Variants in DTL observed in about 807,000 individuals in gnomAD.
DTL encodes the protein denticleless protein homolog.
Under a neutral mutation model 87.0 loss-of-function variants are expected in DTL, and 46 were observed. That is an observed-to-expected ratio of 0.53 (90% CI 0.42 to 0.68). DTL has a LOEUF of 0.68. Among genes scored for constraint, DTL ranks in the 30% least tolerant of loss-of-function variants. DTL has a pLI of 0.00. For missense variants in DTL, 737 were observed against 869.4 expected, an observed-to-expected ratio of 0.85 and a Z score of 1.91; for synonymous variants, 308 against 311.2, an observed-to-expected ratio of 0.99 and a Z score of 0.11.
chr1:212,040,416 A>G (rs954627797), intron 1 of DTL, among the ~76,000 whole-genome samples: 2 of 152,244 alleles, frequency 1.3e-5, no homozygotes, highest in Non-Finnish European at 2.9e-5. Flanking sequence ...TTTACTATAC[A>G]GACACATACC....
chr1:212,088,441 T>C (rs867281004), intron 13 of DTL, among the ~76,000 whole-genome samples: 1 of 152,298 alleles, frequency 6.6e-6, no homozygotes, highest in Middle Eastern at 3.4e-3. Flanking sequence ...AGGCTCACAG[T>C]CTAGTCTAGG....
intron 1 of DTL, among the ~76,000 whole-genome samples, chr1:212,040,257 ATGTTG>A (rs1159155848): frequency 1.3e-5 from 2 of 152,210 alleles, no homozygotes; most frequent in Non-Finnish European, 2.9e-5. Context: ...CTCCATTATA[ATGTTG>A]TAAGACTACC....
At chr1:212,044,807 C>T (rs1011232131) in intron 3 of DTL, 49 bp downstream of exon 3, 9 of 1,059,798 alleles carry the variant, frequency 8.5e-6, no homozygotes, top group South Asian at 1.3e-5. Flanking sequence ...AAACTTTACA[C>T]ATCCTCAAGT....
rs1268249441 is a variant in DTL at position 212,047,160 on chromosome 1, C to T, written c.287C>T (p.Ala96Val). ...FRKKCFKEWM[A>V]HWNAVFDLAW... is the part of the protein sequence containing the mutation. ...CATTTTCTTTGTTTAGAATGGATGG[C>T]TCACTGGAATGCCGTCTTTGACCTG... Residue 96 changes from alanine (A) to valine (V), a missense_variant, in exon 4 of 15, where the codon GCT (alanine) becomes GTT (valine). Physicochemically the swap from Ala to Val is moderately conservative, Grantham distance 64. Coordinates refer to ENST00000366991, the MANE Select transcript of DTL (RefSeq NM_016448.4). The T allele has an allele frequency of 1.2e-6, 2 of 1,614,064 alleles. No homozygotes were observed. The highest frequency in any genetic ancestry group is 1.7e-6 in the Non-Finnish European group (2 of 1,179,908).
rs543631519 is a variant in DTL at position 212,104,797 on chromosome 1, T to A, written c.*1857T>A. 1 of 152,326 alleles carries A rather than the reference T, an allele frequency of 6.6e-6. No individual in the cohort carries two copies. The highest frequency in any genetic ancestry group is 2.1e-4 in the South Asian group (1 of 4,822). 9.4% of individuals were successfully genotyped at this position (152,326 alleles called of 1,614,324 possible). On this transcript the variant is annotated 3_prime_UTR_variant, in exon 15 of 15. Transcript: ENST00000366991. ...AATGAGATAATTATCCCTGCCTGTG[T>A]CCATGTCAGACTTTGAGCTGATCCT...
At chr1:212,082,931 A>G (rs1655029011) in intron 13 of DTL, among the ~76,000 whole-genome samples, 2 of 152,162 alleles carry the variant, frequency 1.3e-5, no homozygotes, top group African/African-American at 2.4e-5. Context: ...CAAGTATACT[A>G]TAGGTAGAGA....
intron 5 of DTL, among the ~76,000 whole-genome samples, chr1:212,062,187 C>A (rs1654346667): frequency 6.6e-6 from 1 of 152,148 alleles, no homozygotes. Context: ...CCTCAGGTAG[C>A]TGTTTTTGTG....
intron 13 of DTL, among the ~76,000 whole-genome samples, chr1:212,097,051 G>A (rs961727529): frequency 7.9e-5 from 12 of 152,052 alleles, no homozygotes; most frequent in Non-Finnish European, 1.6e-4. Flanking sequence ...CTTGGTAGTG[G>A]CAAATTCTCT....
At position 212,092,982 on chromosome 1, in the gene DTL, C is replaced by T. The variant is rs1655330552; in HGVS notation, c.1262-7270C>T. ...GCATTGTGGTTTTTATTTACATTTCCCTGATTATTAGTGATGTTGAGCATT... is the reference window on the plus strand; with the variant it reads ...GCATTGTGGTTTTTATTTACATTTCTCTGATTATTAGTGATGTTGAGCATT... On this transcript the variant is annotated intron_variant, in intron 13 of 14. Transcript: ENST00000366991. 2.0e-5 allele frequency among the ~76,000 whole-genome samples: 3 copies of T among 152,044 alleles called. No homozygotes were observed. The South Asian group carries it at 6.2e-4, about 32-fold the overall frequency.
In DTL at chr1:212,104,145, C is replaced by T. The variant is rs1230994461; in HGVS notation, c.*1205C>T. 1 of 151,802 alleles carries T rather than the reference C, an allele frequency of 6.6e-6. No homozygotes were observed. Among genetic ancestry groups the T allele is most frequent in the Non-Finnish European group, 1.5e-5 (1 of 67,942 alleles). 9.4% of individuals were successfully genotyped at this position (151,802 alleles called of 1,614,324 possible). On this transcript the variant is annotated 3_prime_UTR_variant, in exon 15 of 15. Coordinates refer to ENST00000366991, the MANE Select transcript of DTL (RefSeq NM_016448.4). ...GTTTTATATTTTTCACCTTTGTAAC[C>T]TCATGGAAAGAGGCTTTACATACTT...
At chr1:212,065,838 TG>T (rs1486571729) in intron 7 of DTL, among the ~76,000 whole-genome samples, 3 of 152,134 alleles carry the variant, frequency 2.0e-5, no homozygotes, top group Non-Finnish European at 2.9e-5. Context: ...CCCAAGTAGC[TG>T]GGACTACAGG....
At chr1:212,040,280 A>G (rs1050065269) in intron 1 of DTL, among the ~76,000 whole-genome samples, 1 of 152,248 alleles carries the variant, frequency 6.6e-6, no homozygotes, top group Non-Finnish European at 1.5e-5. Context: ...ACCATTGTGT[A>G]TGCGGTCTGT....
chr1:212,097,294 T>A (rs1203920548), intron 13 of DTL, among the ~76,000 whole-genome samples: 1 of 152,206 alleles, frequency 6.6e-6, no homozygotes, highest in Admixed American at 6.5e-5. Flanking sequence ...TCCTTCATCT[T>A]GACTTTAGAT....
intron 14 of DTL, 135 bp from the exon 15 acceptor site, chr1:212,102,707 A>G: frequency 4.9e-6 from 3 of 607,912 alleles, no homozygotes; most frequent in Non-Finnish European, 5.8e-6. Context: ...AGACATTGCC[A>G]TTGAAAGTAT....
At chr1:212,049,660 A>G (rs893738050) in intron 5 of DTL, among the ~76,000 whole-genome samples, 3 of 152,160 alleles carry the variant, frequency 2.0e-5, no homozygotes, top group African/African-American at 7.2e-5. Context: ...TTTTGTTAAA[A>G]CAGAATAGAT....
rs554647603 is a variant in DTL at position 212,071,695 on chromosome 1, G to A, written c.923-406G>A. Among the ~76,000 whole-genome samples, 10 of 152,150 alleles carry A rather than the reference G, an allele frequency of 6.6e-5. No individual in the cohort carries two copies. The South Asian group carries it at 1.9e-3, about 28-fold the overall frequency. ...TAAGATATAAAATTTATCCTCAAGA[G>A]GCCTGAAGTCTAAGGGGAAATTAGA... On this transcript the variant is annotated intron_variant, in intron 10 of 14. Coordinates refer to ENST00000366991, the MANE Select transcript of DTL (RefSeq NM_016448.4).
rs772506607 is a variant in DTL, at chr1:212,044,732, A to G, written c.251A>G (p.Gln84Arg). The G allele has an allele frequency of 6.2e-7, 1 of 1,612,818 alleles. No individual in the cohort carries two copies. The highest frequency in any genetic ancestry group is 2.2e-5 in the East Asian group (1 of 44,856). Residue 84 changes from glutamine to arginine, a missense_variant, in exon 3 of 15, where the codon CAA (glutamine) becomes CGA (arginine). Coordinates refer to ENST00000366991, the MANE Select transcript of DTL (RefSeq NM_016448.4). The part of the protein sequence containing the change: ...GFVRLYNTES[Q>R]SFRKKCFKEW... Reference sequence around the variant, plus strand: ...GTTCGATTGTATAACACAGAATCACAAAGTTTCAGAAAGAAGTGCTTCAAA... The same window carrying G: ...GTTCGATTGTATAACACAGAATCACGAAGTTTCAGAAAGAAGTGCTTCAAA...
chr1:212,059,765 A>G lies in DTL; in HGVS notation c.461-3119A>G, dbSNP rs371169323. Among the ~76,000 whole-genome samples the G allele has an allele frequency of 3.6e-4, 39 of 108,822 alleles. 1 individual carries two copies. Among genetic ancestry groups the G allele is most frequent in the African/African-American group, 1.0e-3 (32 of 30,598 alleles). 71.4% of individuals were successfully genotyped at this position (108,822 alleles called of 152,430 possible). ...ATGTTATGATCTTATATCTAGAAAA[A>G]CTTAAAGACTCTACAAAAAAAAAAA... On this transcript the variant is annotated intron_variant, in intron 5 of 14. Transcript: ENST00000366991.
At chr1:212,044,781 T>C (rs1466549906) in intron 3 of DTL, 23 bp downstream of exon 3, 1 of 1,470,762 alleles carries the variant, frequency 6.8e-7, no homozygotes, top group African/African-American at 1.4e-5. Context: ...CTACAATTTT[T>C]GTTTTAACAT....
Sources: allele counts gnomAD v4.1 joint callset (sites outside exome capture counted in the v4.1 genomes callset), GRCh38; gene constraint gnomAD v4.1.1; transcripts MANE v1.5; gene names NCBI Gene and HGNC (gene_info 2026-07-23, HGNC 2026-07-21).